The following ZNF558 variants were observed in gnomAD, a reference collection of about 807,000 sequenced individuals.
The protein encoded by ZNF558 is zinc finger protein 558.
A neutral mutation model predicts 37.6 loss-of-function variants in ZNF558; 23 were observed. The ratio of observed to expected loss-of-function variants is 0.61; its 90% CI spans 0.44 to 0.87. The LOEUF is 0.87. ZNF558 is among the 40% of genes least tolerant of loss of function. The pLI, the probability that ZNF558 is intolerant of heterozygous loss-of-function variation, is 0.00. For missense variants in ZNF558, 429 were observed against 483.7 expected, an observed-to-expected ratio of 0.89 and a Z score of 1.06; for synonymous variants, 189 against 174.4, an observed-to-expected ratio of 1.08 and a Z score of -0.66.
Position 8,811,140 on chromosome 19 carries a change from T to C in ZNF558, c.*141A>G. ...GTAGAAATTGTTAGAGAATAAACAT[T>C]TCGTGTTTGAAGCCACAAAATTTGC... On this transcript the variant is annotated 3_prime_UTR_variant, in exon 10 of 10. Coordinates refer to ENST00000601372, the MANE Select transcript of ZNF558 (RefSeq NM_144693.3). 2 of 749,404 alleles carry C rather than the reference T, an allele frequency of 2.7e-6. No individual in the cohort carries two copies. Among genetic ancestry groups the C allele is most frequent in the Non-Finnish European group, 4.2e-6 (2 of 477,626 alleles). 46.4% of individuals were successfully genotyped at this position (749,404 alleles called of 1,614,324 possible).
At chr19:8,814,331 A>G (rs1429061898) in intron 7 of ZNF558, among the ~76,000 whole-genome samples, 1 of 152,106 alleles carries the variant, frequency 6.6e-6, no homozygotes, top group Admixed American at 6.6e-5. Context: ...GGTTGTCTTT[A>G]TTTATCTAAC....
At chr19:8,821,543 C>A in intron 6 of ZNF558, 1 of 1,424,558 alleles carries the variant, frequency 7.0e-7, no homozygotes, top group Non-Finnish European at 9.1e-7. Context: ...TGCTTGTCTC[C>A]TTAGGCCATT....
chr19:8,836,090 GTGAA>G (rs2044452081), upstream of ZNF558, among the ~76,000 whole-genome samples: 2 of 152,166 alleles, frequency 1.3e-5, no homozygotes, highest in Admixed American at 6.5e-5. Context: ...GCGCAACTGT[GTGAA>G]TGTACTAAAA....
chr19:8,830,503 G>A (rs899881818), intron 2 of ZNF558, among the ~76,000 whole-genome samples: 3 of 151,992 alleles, frequency 2.0e-5, no homozygotes, highest in African/African-American at 7.3e-5. Flanking sequence ...TCTGGTCGCC[G>A]GTCAATTTAA....
At chr19:8,815,361 A>C (rs1555769932) in intron 7 of ZNF558, among the ~76,000 whole-genome samples, 1 of 152,230 alleles carries the variant, frequency 6.6e-6, no homozygotes, top group East Asian at 1.9e-4. Context: ...TAGGAAGGCA[A>C]ATAAAAAAAT....
intron 7 of ZNF558, among the ~76,000 whole-genome samples, chr19:8,818,716 A>G (rs926899760): frequency 6.6e-6 from 1 of 152,142 alleles, no homozygotes; most frequent in Non-Finnish European, 1.5e-5. Context: ...GCATTGTGGT[A>G]CTGACCCAAG....
upstream of ZNF558, among the ~76,000 whole-genome samples, chr19:8,836,025 G>GT (rs1795892361): frequency 6.6e-6 from 1 of 152,172 alleles, no homozygotes; most frequent in African/African-American, 2.4e-5. Context: ...GGGGAAGTGG[G>GT]TAATGGTATG....
At chr19:8,833,866 T>G (rs1306617100), upstream of ZNF558, among the ~76,000 whole-genome samples, 1 of 151,906 alleles carries the variant, frequency 6.6e-6, no homozygotes, top group Non-Finnish European at 1.5e-5. Flanking sequence ...GGATGCCTTG[T>G]AATCCCAGGT....
At chr19:8,818,890 A>G (rs1255048348) in intron 7 of ZNF558, among the ~76,000 whole-genome samples, 1 of 152,240 alleles carries the variant, frequency 6.6e-6, no homozygotes, top group Non-Finnish European at 1.5e-5. Context: ...GTGTATGGCC[A>G]CATAATTTTC....
At chr19:8,836,719 T>C (rs1312123506), upstream of ZNF558, among the ~76,000 whole-genome samples, 1 of 152,198 alleles carries the variant, frequency 6.6e-6, no homozygotes, top group Non-Finnish European at 1.5e-5. Flanking sequence ...CTCGAACTCC[T>C]GAGCGCAAGC....
rs1370194789 is a variant in ZNF558, at chr19:8,812,545, C to A, written c.426+16G>T. The A allele has an allele frequency of 2.6e-6, 4 of 1,510,764 alleles. No individual in the cohort carries two copies. In the South Asian group the frequency reaches 4.0e-5, roughly 15 times the overall value. 93.6% of individuals were successfully genotyped at this position (1,510,764 alleles called of 1,614,324 possible). A position where few individuals can be genotyped will look rare whatever the true frequency, so the allele number is the denominator to read the frequency against. ...TCCTACTGTAGAAAACCAGAAATCA[C>A]CCATGTTAGTCTTACCGTTTTTACA... is the stretch of plus-strand genomic sequence containing the variant. On this transcript the variant is annotated intron_variant, in intron 9 of 9. Transcript: ENST00000601372.
At position 8,812,624 on chromosome 19, in the gene ZNF558, T is replaced by C; in HGVS notation, c.363A>G (p.Lys121=). Residue 121 remains lysine (K), a synonymous_variant, in exon 9 of 10, where the codon AAA becomes AAG. Coordinates refer to ENST00000601372, the MANE Select transcript of ZNF558 (RefSeq NM_144693.3). Reference sequence around the variant, plus strand: ...TCTTCTTAGGAGTTAACCATTTGGCTTTAAGTAGAGTCTCCAAATCTGAAA... The same window carrying C: ...TCTTCTTAGGAGTTAACCATTTGGCCTTAAGTAGAGTCTCCAAATCTGAAA... ...STCPDLETLL[K]AKWLTPKKNV... The C allele has an allele frequency of 6.2e-7, 1 of 1,601,994 alleles. No individual in the cohort carries two copies.
chr19:8,812,515 C>T (rs1373767244), intron 9 of ZNF558, 46 bp downstream of exon 9: 2 of 1,327,756 alleles, frequency 1.5e-6, no homozygotes, highest in South Asian at 1.5e-5. Context: ...AAACTTAAGG[C>T]ATTCTCCTAC....
At position 8,811,179 on chromosome 19, in the gene ZNF558, T is replaced by C. The variant is rs2145176135; in HGVS notation, c.*102A>G. On this transcript the variant is annotated 3_prime_UTR_variant, in exon 10 of 10. Coordinates refer to ENST00000601372, the MANE Select transcript of ZNF558 (RefSeq NM_144693.3). ...CACAAAATTTGCGGGGATCATTTGT[T>C]ATGCTGCAACAAATAACTTATATAT... 1 of 1,302,112 alleles carries C rather than the reference T, an allele frequency of 7.7e-7. No homozygotes were observed. The highest frequency in any genetic ancestry group is 1.0e-6 in the Non-Finnish European group (1 of 961,032). 80.7% of individuals were successfully genotyped at this position (1,302,112 alleles called of 1,614,324 possible).
chr19:8,823,035 T>G, intron 4 of ZNF558: 3 of 255,566 alleles, frequency 1.2e-5, no homozygotes, highest in Non-Finnish European at 1.6e-5. Flanking sequence ...TACTCCCTCC[T>G]TCCCCGGGGA....
chr19:8,826,009 G>A (rs2044222982), intron 2 of ZNF558, among the ~76,000 whole-genome samples: 1 of 152,178 alleles, frequency 6.6e-6, no homozygotes, highest in African/African-American at 2.4e-5. Flanking sequence ...TGAGATGAGA[G>A]AAGAAGGGAG....
At chr19:8,829,986 T>C (rs1223163369) in intron 2 of ZNF558, among the ~76,000 whole-genome samples, 2 of 152,010 alleles carry the variant, frequency 1.3e-5, no homozygotes, top group Non-Finnish European at 2.9e-5. Flanking sequence ...TGGCTCTGTG[T>C]CCCCCCACCC....
rs1305512291 is a variant in ZNF558, at chr19:8,808,320, TAAATAAATA to T, written c.*2952_*2960del. On this transcript the variant is annotated 3_prime_UTR_variant, in exon 10 of 10. Coordinates refer to ENST00000601372, the MANE Select transcript of ZNF558 (RefSeq NM_144693.3). ...TGAAACTCCATCTAAAATAAATAAA[TAAATAAATA>T]AATGTTTGACCATTTATTATTAATG... is the stretch of plus-strand genomic sequence containing the variant. 1.3e-5 allele frequency: 2 copies of T among 151,870 alleles called. No homozygotes were observed. The highest frequency in any genetic ancestry group is 2.9e-5 in the Non-Finnish European group (2 of 67,958). The allele number at this position is 151,870 out of a possible 1,614,324, so 9.4% of individuals were successfully genotyped here. A position where few individuals can be genotyped will look rare whatever the true frequency, so the allele number is the denominator to read the frequency against.
At position 8,822,194 on chromosome 19, in the gene ZNF558, A is replaced by G. The variant is rs2044111717; in HGVS notation, c.32-103T>C. On this transcript the variant is annotated intron_variant, in intron 5 of 9. Coordinates refer to ENST00000601372, the MANE Select transcript of ZNF558 (RefSeq NM_144693.3). This position sits in a 1 kb window ranked among gnomAD's most constrained non-coding sequence, Gnocchi z 4.4. ...CCTCCCACACCCACACGGATGAGGC[A>G]CCACACAGTGCCCACCTACGCTCCA... 1 of 1,406,088 alleles carries G rather than the reference A, an allele frequency of 7.1e-7. No homozygotes were observed. The allele number at this position is 1,406,088 out of a possible 1,614,324, so 87.1% of individuals were successfully genotyped here.
Sources: allele counts gnomAD v4.1 joint callset (sites outside exome capture counted in the v4.1 genomes callset), GRCh38; gene constraint gnomAD v4.1.1; non-coding constraint Gnocchi (gnomAD v3.1); transcripts MANE v1.5; gene names NCBI Gene and HGNC (gene_info 2026-07-23, HGNC 2026-07-21).